Variants in PTPRA observed in about 807,000 individuals in gnomAD.
PTPRA encodes the protein receptor-type tyrosine-protein phosphatase alpha.
Under a neutral mutation model 104.8 loss-of-function variants are expected in PTPRA, and 25 were observed. The ratio of observed to expected loss-of-function variants is 0.24; its 90% CI spans 0.17 to 0.33. PTPRA has a LOEUF of 0.33. Among genes scored for constraint, PTPRA ranks in the 10% least tolerant of loss-of-function variants. The pLI, the probability that PTPRA is intolerant of heterozygous loss-of-function variation, is 1.00. For missense variants in PTPRA, 765 were observed against 1,015.3 expected (o/e 0.75, Z 3.35); for synonymous variants, 323 against 368.9 (o/e 0.88, Z 1.43).
intron 1 of PTPRA, among the ~76,000 whole-genome samples, chr20:2,906,789 T>C (rs1233960514): frequency 6.6e-6 from 1 of 152,162 alleles, no homozygotes; most frequent in Non-Finnish European, 1.5e-5. Context: ...CCCATAAACA[T>C]ATGATTTTAA....
Position 3,037,338 on chromosome 20 carries a change from T to C in PTPRA, c.2334+49T>C, listed in dbSNP as rs771610468. ...CTGCCACCACACCACCTGCAGCCCTTCTCTCAGGGAGGAGGCTCTTCAGAG... is the reference window on the plus strand; with the variant it reads ...CTGCCACCACACCACCTGCAGCCCTCCTCTCAGGGAGGAGGCTCTTCAGAG... On this transcript the variant is annotated intron_variant, in intron 23 of 23. Transcript: ENST00000399903. This position sits in a 1 kb window ranked among gnomAD's most constrained non-coding sequence, Gnocchi z 4.3. The C allele has an allele frequency of 6.2e-7, 1 of 1,604,084 alleles. No homozygotes were observed. The highest frequency in any genetic ancestry group is 2.2e-5 in the East Asian group (1 of 44,812).
At chr20:3,019,745 C>T (rs1157510599) in intron 13 of PTPRA, among the ~76,000 whole-genome samples, 8 of 152,244 alleles carry the variant, frequency 5.3e-5, no homozygotes, top group African/African-American at 1.9e-4. Context: ...GAGGTTGTAG[C>T]GAGCCAAGAT....
At chr20:2,938,213 C>T (rs1014290771) in intron 2 of PTPRA, among the ~76,000 whole-genome samples, 2 of 152,108 alleles carry the variant, frequency 1.3e-5, no homozygotes, top group African/African-American at 4.8e-5. Context: ...GAGACGGAGT[C>T]TTGCTGTGTC....
chr20:2,949,628 A>C (rs2147783083), intron 3 of PTPRA, among the ~76,000 whole-genome samples: 1 of 151,884 alleles, frequency 6.6e-6, no homozygotes, highest in South Asian at 2.1e-4. Context: ...GACTTTTCAT[A>C]CAATACTGAA....
At chr20:3,030,006 G>C (rs1341492156) in intron 20 of PTPRA, among the ~76,000 whole-genome samples, 2 of 152,182 alleles carry the variant, frequency 1.3e-5, no homozygotes, top group African/African-American at 4.8e-5. Flanking sequence ...GGAACCTGCA[G>C]ATCAGACCAG....
At chr20:2,884,339 C>T (rs899458993) in intron 1 of PTPRA, among the ~76,000 whole-genome samples, 2 of 152,106 alleles carry the variant, frequency 1.3e-5, no homozygotes, top group Non-Finnish European at 2.9e-5. Context: ...ACTACCCATT[C>T]CCAGTAGCAA....
At chr20:2,965,354 C>A in intron 5 of PTPRA, 152 bp downstream of exon 5, 4 of 753,690 alleles carry the variant, frequency 5.3e-6, no homozygotes, top group Non-Finnish European at 8.3e-6. Context: ...TTTGGGTTAG[C>A]ATGAGTGAAG....
chr20:2,902,055 T>G lies in PTPRA; in HGVS notation c.-128-21152T>G, dbSNP rs534383928. On this transcript the variant is annotated intron_variant, in intron 1 of 23. Coordinates refer to ENST00000399903, the MANE Select transcript of PTPRA (RefSeq NM_001385305.1). ...TGAGCATTACCACACTGGCTAATTTTTATATTTTTAGTAGAGATGGGGTTT... is the reference window on the plus strand; with the variant it reads ...TGAGCATTACCACACTGGCTAATTTGTATATTTTTAGTAGAGATGGGGTTT... Among the ~76,000 whole-genome samples, 100 of 152,148 alleles carry G rather than the reference T, an allele frequency of 6.6e-4. 1 individual carries two copies. The highest frequency in any genetic ancestry group is 2.2e-3 in the African/African-American group (93 of 41,512).
At chr20:2,924,913 T>C (rs1299507294) in intron 2 of PTPRA, among the ~76,000 whole-genome samples, 2 of 152,052 alleles carry the variant, frequency 1.3e-5, no homozygotes, top group East Asian at 3.9e-4. Context: ...TTGCCCAACC[T>C]CATGATCCGC....
chr20:2,878,229 T>G (rs548147964), intron 1 of PTPRA, among the ~76,000 whole-genome samples: 2 of 152,316 alleles, frequency 1.3e-5, no homozygotes, highest in East Asian at 1.9e-4. Context: ...TTTTTGTTTT[T>G]TTGAGACAGG....
At chr20:2,873,129 C>T (rs1031376066), upstream of PTPRA, among the ~76,000 whole-genome samples, 1 of 152,192 alleles carries the variant, frequency 6.6e-6, no homozygotes, top group Admixed American at 6.5e-5. The surrounding 1 kb of genome is among the most constrained non-coding windows in gnomAD (Gnocchi z 4.4). Context: ...TTGCAGGCCG[C>T]CCTGGTGGCT....
rs1427197468 is a variant in PTPRA at position 3,007,398 on chromosome 20, A to T, written c.884A>T (p.Tyr295Phe). The T allele has an allele frequency of 6.2e-7, 1 of 1,614,148 alleles. No individual in the cohort carries two copies. Among genetic ancestry groups the T allele is most frequent in the Non-Finnish European group, 8.5e-7 (1 of 1,179,958 alleles). ...GTTGAAGGGGTTCCAGATTCTGATT[A>T]CATCAATGCTTCATTCATCAACGTA... ...TPVEGVPDSD[Y>F]INASFINGYQ... Residue 295 changes from tyrosine to phenylalanine, a missense_variant, in exon 11 of 24, where the codon TAC becomes TTC. Physicochemically the swap from Tyr to Phe is conservative, Grantham distance 22 (BLOSUM62 3). Coordinates refer to ENST00000399903, the MANE Select transcript of PTPRA (RefSeq NM_001385305.1).
chr20:2,889,791 A>G (rs1207212785), intron 1 of PTPRA, among the ~76,000 whole-genome samples: 2 of 152,178 alleles, frequency 1.3e-5, no homozygotes, highest in African/African-American at 4.8e-5. Flanking sequence ...TTTCCAGGAT[A>G]ATTCTACTCA....
chr20:2,939,980 G>A (rs376775151), intron 2 of PTPRA, among the ~76,000 whole-genome samples: 1 of 152,220 alleles, frequency 6.6e-6, no homozygotes, highest in South Asian at 2.1e-4. Flanking sequence ...CATGGTGGGG[G>A]ACGCCTGTAA....
intron 2 of PTPRA, among the ~76,000 whole-genome samples, chr20:2,934,399 A>AT (rs2060615983): frequency 2.0e-5 from 3 of 152,052 alleles, no homozygotes; most frequent in African/African-American, 7.2e-5. Flanking sequence ...GCCACCGGGT[A>AT]TTTTTTATCA....
intron 9 of PTPRA, among the ~76,000 whole-genome samples, chr20:2,990,420 A>G (rs1341870710): frequency 1.3e-5 from 2 of 152,112 alleles, no homozygotes; most frequent in Non-Finnish European, 2.9e-5. Context: ...ACTAGTCCAG[A>G]TTACTCCTGG....
At chr20:2,961,249 G>T (rs1245978825) in intron 3 of PTPRA, among the ~76,000 whole-genome samples, 1 of 152,176 alleles carries the variant, frequency 6.6e-6, no homozygotes, top group Non-Finnish European at 1.5e-5. Flanking sequence ...ATTCCCACCA[G>T]CAGTGAATGA....
intron 14 of PTPRA, 129 bp from the exon 15 acceptor site, chr20:3,021,925 G>A: frequency 8.3e-7 from 1 of 1,208,132 alleles, no homozygotes. Flanking sequence ...TGTGTCTGTG[G>A]TTAACTAACT....
At chr20:2,908,222 C>T (rs576420541) in intron 1 of PTPRA, among the ~76,000 whole-genome samples, 20 of 152,238 alleles carry the variant, frequency 1.3e-4, no homozygotes, top group African/African-American at 4.3e-4. Context: ...ATACTGTGAT[C>T]GGTCCTTAGT....
Sources: gnomAD v4.1 joint callset for allele counts (sites outside exome capture counted in the v4.1 genomes callset) on GRCh38, gnomAD v4.1.1 for gene constraint, Gnocchi (gnomAD v3.1) non-coding constraint, MANE v1.5 for transcripts, NCBI Gene and HGNC (gene_info 2026-07-23, HGNC 2026-07-21) for gene names.